The following MVK variants were observed in gnomAD, a reference collection of about 807,000 sequenced individuals.
MVK encodes LH receptor mRNA-binding protein.
A neutral mutation model predicts 43.2 loss-of-function variants in MVK; 34 were observed. The ratio of observed to expected loss-of-function variants is 0.79; its 90% CI spans 0.60 to 1.05. MVK has a LOEUF of 1.05. Among genes scored for constraint, MVK ranks in the 50% least tolerant of loss-of-function variants. The probability of loss-of-function intolerance (pLI) is 0.00; values close to 1 mark genes in which losing one functional copy is unlikely to be tolerated. For synonymous variants in MVK, 190 were observed against 219.8 expected (o/e 0.86, Z 1.20); for missense variants, 395 against 504.0 (o/e 0.78, Z 2.07).
chr12:109,573,643 T>A (rs1456980911), upstream of MVK: 2 of 849,826 alleles, frequency 2.4e-6, no homozygotes, highest in Non-Finnish European at 3.8e-6. Context: ...TCCCATTGGT[T>A]TAACGGAAGG....
At chr12:109,590,041 C>A (rs1438739062) in intron 7 of MVK, 1 of 157,962 alleles carries the variant, frequency 6.3e-6, no homozygotes, top group Admixed American at 5.9e-5. Context: ...TGGTTTTAGA[C>A]CAGGGCTGCT....
rs546729829 is a variant in MVK, at chr12:109,596,991, G to C, written c.*414G>C. ...TCTCCCTTTTCAGGGACCGCCCCCT[G>C]TCTCTCAGGGCCAGGCCTCTCCCTC... On this transcript the variant is annotated 3_prime_UTR_variant, in exon 11 of 11. Coordinates refer to ENST00000228510, the MANE Select transcript of MVK (RefSeq NM_000431.4). The C allele has an allele frequency of 2.1e-4, 60 of 281,684 alleles. No homozygotes were observed. Among genetic ancestry groups the C allele is most frequent in the African/African-American group, 1.3e-3 (60 of 45,690 alleles). The allele number at this position is 281,684 out of a possible 1,614,324, so 17.4% of individuals were successfully genotyped here.
At chr12:109,593,017 G>A (rs1050293599) in intron 9 of MVK, among the ~76,000 whole-genome samples, 1 of 152,274 alleles carries the variant, frequency 6.6e-6, no homozygotes, top group Non-Finnish European at 1.5e-5. Flanking sequence ...GGCAGCCGCT[G>A]AAATGTGCAG....
rs182285542 is a variant in MVK, at chr12:109,579,332, G to A, written c.227-470G>A. Reference sequence around the variant, plus strand: ...TTTTTGTACTTTCTGTAGAGTTGGGGTTTCGCCATGTTACCTAGGCTGGTC... The same window carrying A: ...TTTTTGTACTTTCTGTAGAGTTGGGATTTCGCCATGTTACCTAGGCTGGTC... On this transcript the variant is annotated intron_variant, in intron 3 of 10. Transcript: ENST00000228510. The A allele has an allele frequency of 2.5e-3, 893 of 360,618 alleles. 1 individual carries two copies. Among genetic ancestry groups the A allele is most frequent in the Non-Finnish European group, 4.2e-3 (759 of 181,328 alleles). 22.3% of individuals were successfully genotyped at this position (360,618 alleles called of 1,614,324 possible).
rs113409363 is a variant in MVK at position 109,594,942 on chromosome 12, C to T, written c.886-86C>T. ...TTGGCTGTCTCCAGCCAACAACTGT[C>T]AGATGGACGAGGCAGGCTCAGGGGT... On this transcript the variant is annotated intron_variant, in intron 9 of 10. Transcript: ENST00000228510. 56 of 1,561,248 alleles carry T rather than the reference C, an allele frequency of 3.6e-5. 3 individuals are homozygous for T. In the African/African-American group the frequency reaches 4.9e-4, roughly 14 times the overall value.
At chr12:109,591,485 C>T in intron 9 of MVK, 128 bp downstream of exon 9, 1 of 860,674 alleles carries the variant, frequency 1.2e-6, no homozygotes, top group Non-Finnish European at 1.9e-6. Flanking sequence ...CTGCCTCTGG[C>T]CTATGCTCTC....
intron 5 of MVK, among the ~76,000 whole-genome samples, chr12:109,582,814 A>G (rs549460720): frequency 2.6e-5 from 4 of 152,212 alleles, no homozygotes; most frequent in African/African-American, 9.6e-5. Context: ...CACTCACTTC[A>G]TCCCAGGCAC....
chr12:109,594,159 A>C (rs975328582), intron 9 of MVK, among the ~76,000 whole-genome samples: 3 of 152,140 alleles, frequency 2.0e-5, no homozygotes, highest in African/African-American at 7.2e-5. Context: ...CATGGTTTTT[A>C]CTTCCTGATG....
chr12:109,575,064 ATTCTT>A, intron 2 of MVK, among the ~76,000 whole-genome samples, 164 bp downstream of exon 2: 1 of 152,236 alleles, frequency 6.6e-6, no homozygotes, highest in Non-Finnish European at 1.5e-5. Flanking sequence ...CACTGAAGGG[ATTCTT>A]GGGCCTCGCT....
chr12:109,591,613 G>A (rs1885686502), intron 9 of MVK, among the ~76,000 whole-genome samples: 1 of 152,244 alleles, frequency 6.6e-6, no homozygotes, highest in Non-Finnish European at 1.5e-5. Flanking sequence ...CGTGCTAAGT[G>A]CAATGGAAAC....
rs893917825 is a variant in MVK at position 109,582,653 on chromosome 12, C to T, written c.527+1103C>T. Among the ~76,000 whole-genome samples, 4 of 122,766 alleles carry T rather than the reference C, an allele frequency of 3.3e-5. No homozygotes were observed. In the South Asian group the frequency reaches 1.2e-3, roughly 36 times the overall value. 80.5% of individuals were successfully genotyped at this position (122,766 alleles called of 152,430 possible). On this transcript the variant is annotated intron_variant, in intron 5 of 10. Coordinates refer to ENST00000228510, the MANE Select transcript of MVK (RefSeq NM_000431.4). ...CCCCACCCATCATGTGTTTCTGAGT[C>T]GGAAAGGACTGGAGCCCAGTCTCCT...
At chr12:109,586,847 G>A in intron 7 of MVK, 48 bp downstream of exon 7, 2 of 1,608,180 alleles carry the variant, frequency 1.2e-6, no homozygotes, top group South Asian at 1.1e-5. Context: ...GCATTGATGT[G>A]TGCAGGGGGC....
intron 2 of MVK, 150 bp downstream of exon 2, chr12:109,575,050 T>A: frequency 2.5e-6 from 2 of 785,906 alleles, no homozygotes; most frequent in Non-Finnish European, 4.4e-6. Context: ...AGATTTCTTA[T>A]GCCCACTGAA....
intron 3 of MVK, among the ~76,000 whole-genome samples, chr12:109,577,610 C>T (rs1047716385): frequency 6.6e-6 from 1 of 152,170 alleles, no homozygotes; most frequent in African/African-American, 2.4e-5. Flanking sequence ...AGCCACTGTG[C>T]CCAGCCAAAA....
chr12:109,581,476 G>T lies in MVK; in HGVS notation c.453G>T (p.Val151=). 1 of 1,614,208 alleles carries T rather than the reference G, an allele frequency of 6.2e-7. No individual in the cohort carries two copies. The highest frequency in any genetic ancestry group is 8.5e-7 in the Non-Finnish European group (1 of 1,180,026). Residue 151 remains valine (V), a synonymous_variant, in exon 5 of 11, where the codon GTG becomes GTT. Transcript: ENST00000228510. ...AGLGSSAAYS[V]CLAAALLTVC... Reference sequence around the variant, plus strand: ...TGGGCTCCAGCGCCGCCTACTCGGTGTGTCTGGCAGCAGCCCTCCTGACTG... The same window carrying T: ...TGGGCTCCAGCGCCGCCTACTCGGTTTGTCTGGCAGCAGCCCTCCTGACTG...
intron 5 of MVK, among the ~76,000 whole-genome samples, chr12:109,583,653 A>C (rs1245067863): frequency 6.6e-6 from 1 of 152,204 alleles, no homozygotes; most frequent in Non-Finnish European, 1.5e-5. Flanking sequence ...TTCTAGTTCT[A>C]CATCCCTGAG....
chr12:109,588,232 G>A (rs1030669041), intron 7 of MVK: 2 of 152,282 alleles, frequency 1.3e-5, no homozygotes, highest in East Asian at 3.8e-4. Flanking sequence ...TCGTCAGAGA[G>A]AAGACACCTG....
At chr12:109,575,435 T>C (rs1424173000) in intron 2 of MVK, among the ~76,000 whole-genome samples, 4 of 152,234 alleles carry the variant, frequency 2.6e-5, no homozygotes, top group Non-Finnish European at 5.9e-5. Flanking sequence ...TTTTTTTTTT[T>C]TCCTGAGACA....
intron 5 of MVK, among the ~76,000 whole-genome samples, chr12:109,583,604 G>A (rs868021499): frequency 9.2e-5 from 14 of 152,148 alleles, no homozygotes; most frequent in Admixed American, 5.2e-4. Flanking sequence ...AGTCCTTTGG[G>A]TATATACCCA....
Sources: allele counts gnomAD v4.1 joint callset (sites outside exome capture counted in the v4.1 genomes callset), GRCh38; gene constraint gnomAD v4.1.1; transcripts MANE v1.5; gene names NCBI Gene and HGNC (gene_info 2026-07-23, HGNC 2026-07-21).